The following SEMA3A variants were observed in gnomAD, a reference collection of about 807,000 sequenced individuals.
SEMA3A encodes the protein semaphorin-3A.
SEMA3A carries 29 observed loss-of-function variants against 97.9 expected under a neutral mutation model. That is an observed-to-expected ratio of 0.30 (90% CI 0.22 to 0.40). SEMA3A has a LOEUF of 0.40. SEMA3A is among the 10% of genes least tolerant of loss of function. The probability of loss-of-function intolerance (pLI) is 1.00; values close to 1 mark genes in which losing one functional copy is unlikely to be tolerated. For synonymous variants in SEMA3A, 321 were observed against 323.7 expected, an observed-to-expected ratio of 0.99 and a Z score of 0.09; for missense variants, 763 against 951.3, an observed-to-expected ratio of 0.80 and a Z score of 2.60.
intron 2 of SEMA3A, among the ~76,000 whole-genome samples, chr7:84,362,148 C>T (rs1012098686): frequency 2.6e-5 from 4 of 151,896 alleles, no homozygotes; most frequent in Non-Finnish European, 5.9e-5. Flanking sequence ...TGGTGGCTCA[C>T]AACTGTTGTA....
chr7:84,114,412 A>G (rs1056267009), intron 3 of SEMA3A, among the ~76,000 whole-genome samples: 3 of 152,146 alleles, frequency 2.0e-5, no homozygotes, highest in Admixed American at 6.6e-5. Context: ...ATGAATGGGT[A>G]GCATATAACA....
chr7:84,061,485 G>C (rs1425799146), intron 4 of SEMA3A, among the ~76,000 whole-genome samples: 1 of 152,054 alleles, frequency 6.6e-6, no homozygotes, highest in Non-Finnish European at 1.5e-5. Context: ...AGTGCCCTGG[G>C]AATTAATTAG....
intron 2 of SEMA3A, among the ~76,000 whole-genome samples, chr7:84,356,322 G>C (rs1448037282): frequency 6.6e-6 from 1 of 151,432 alleles, no homozygotes; most frequent in Non-Finnish European, 1.5e-5. Flanking sequence ...ATAACTAAAT[G>C]CAAATTAATT....
At chr7:84,085,512 G>A (rs1333537609) in intron 4 of SEMA3A, among the ~76,000 whole-genome samples, 1 of 152,042 alleles carries the variant, frequency 6.6e-6, no homozygotes, top group Non-Finnish European at 1.5e-5. Flanking sequence ...GAACTGAACT[G>A]AGGAATATCC....
intron 1 of SEMA3A, among the ~76,000 whole-genome samples, chr7:84,425,128 T>C (rs1297066628): frequency 9.1e-6 from 1 of 109,592 alleles, no homozygotes; most frequent in East Asian, 2.7e-4. Context: ...ATAAATTATT[T>C]ATATATAAAT....
chr7:84,055,404 T>C (rs1353773281), intron 5 of SEMA3A, among the ~76,000 whole-genome samples: 2 of 152,226 alleles, frequency 1.3e-5, no homozygotes, highest in Non-Finnish European at 2.9e-5. Flanking sequence ...TATAGTCTCC[T>C]GGTGCGCCGT....
At chr7:84,199,201 G>A (rs933722376), upstream of SEMA3A, among the ~76,000 whole-genome samples, 1 of 152,156 alleles carries the variant, frequency 6.6e-6, no homozygotes, top group Non-Finnish European at 1.5e-5. Context: ...GTCCAGAAAA[G>A]AATATAAGGA....
chr7:84,402,228 C>T (rs1228867), intron 1 of SEMA3A, among the ~76,000 whole-genome samples: 27,056 of 152,032 alleles, frequency 0.18, 2,547 homozygotes, highest in Middle Eastern at 0.23. Context: ...ATCGACACCA[C>T]GGCTGGGTAT....
chr7:84,157,880 A>C (rs73380843), intron 1 of SEMA3A, among the ~76,000 whole-genome samples: 1 of 152,088 alleles, frequency 6.6e-6, no homozygotes, highest in East Asian at 1.9e-4. Context: ...CATAGGTCAT[A>C]TCATACAATT....
chr7:84,313,824 C>A (rs1306719920), intron 2 of SEMA3A, among the ~76,000 whole-genome samples: 1 of 152,040 alleles, frequency 6.6e-6, no homozygotes, highest in African/African-American at 2.4e-5. Flanking sequence ...AATATTGACT[C>A]ATAGTTCTTT....
At chr7:84,037,142 C>T (rs1791967538) in intron 6 of SEMA3A, among the ~76,000 whole-genome samples, 1 of 147,046 alleles carries the variant, frequency 6.8e-6, no homozygotes. Context: ...TTCCAAACAG[C>T]TAAGTTTTTT....
chr7:84,185,761 A>G (rs1797862760), intron 1 of SEMA3A, among the ~76,000 whole-genome samples: 1 of 151,556 alleles, frequency 6.6e-6, no homozygotes, highest in Non-Finnish European at 1.5e-5. Context: ...AACCATCATT[A>G]TAAATCATTT....
chr7:84,429,940 T>C (rs1361328417), intron 1 of SEMA3A, among the ~76,000 whole-genome samples: 1 of 151,806 alleles, frequency 6.6e-6, no homozygotes, highest in Admixed American at 6.6e-5. Flanking sequence ...CCACATATGC[T>C]ACCTAGGAGC....
At chr7:84,476,912 TAAG>T (rs1806299273) in intron 1 of SEMA3A, among the ~76,000 whole-genome samples, 1 of 151,654 alleles carries the variant, frequency 6.6e-6, no homozygotes, top group Non-Finnish European at 1.5e-5. Flanking sequence ...AAAAAAATAA[TAAG>T]ATAACATTTT....
chr7:84,136,364 C>T (rs559209837), intron 1 of SEMA3A, among the ~76,000 whole-genome samples: 14 of 152,250 alleles, frequency 9.2e-5, no homozygotes, highest in Non-Finnish European at 1.6e-4. Context: ...AATATGATTT[C>T]AACAGAGGAT....
chr7:84,375,956 G>A (rs542936612), intron 1 of SEMA3A, among the ~76,000 whole-genome samples: 1 of 151,992 alleles, frequency 6.6e-6, no homozygotes, highest in Non-Finnish European at 1.5e-5. Context: ...ACCTTTCTGT[G>A]CCTGACTTAT....
intron 3 of SEMA3A, among the ~76,000 whole-genome samples, chr7:84,259,603 C>G (rs1799797112): frequency 6.6e-6 from 1 of 151,712 alleles, no homozygotes; most frequent in African/African-American, 2.4e-5. Context: ...ATCCTAGGTA[C>G]TTATTTTAGA....
intron 2 of SEMA3A, among the ~76,000 whole-genome samples, chr7:84,343,670 A>G (rs1437376339): frequency 6.6e-6 from 1 of 152,052 alleles, no homozygotes; most frequent in Non-Finnish European, 1.5e-5. Flanking sequence ...AATTAGCAGT[A>G]TGGATGGGGA....
chr7:84,448,519 G>C (rs147002629), intron 1 of SEMA3A, among the ~76,000 whole-genome samples: 3 of 151,932 alleles, frequency 2.0e-5, no homozygotes, highest in Non-Finnish European at 4.4e-5. Flanking sequence ...ATCTGTTAGT[G>C]TATAGAAAAG....
Sources: allele counts gnomAD v4.1 joint callset (sites outside exome capture counted in the v4.1 genomes callset), GRCh38; gene constraint gnomAD v4.1.1; transcripts MANE v1.5; gene names NCBI Gene and HGNC (gene_info 2026-07-23, HGNC 2026-07-21).